FOXO1: variants seen among roughly 807,000 people sequenced by gnomAD.
FOXO1 encodes forkhead box O1, also known as forkhead box protein O1.
Under a neutral mutation model 44.1 loss-of-function variants are expected in FOXO1, and 6 were observed. The observed-to-expected ratio is 0.14, with a 90% CI of 0.07 to 0.27. The LOEUF is 0.27. Among genes scored for constraint, FOXO1 ranks in the 10% least tolerant of loss-of-function variants. The pLI is 1.00. For missense variants in FOXO1, 737 were observed against 888.8 expected (o/e 0.83, Z 2.17); for synonymous variants, 380 against 362.7 (o/e 1.05, Z -0.54).
chr13:40,658,454 C>T (rs1877930154), intron 1 of FOXO1, among the ~76,000 whole-genome samples: 1 of 152,176 alleles, frequency 6.6e-6, no homozygotes, highest in Non-Finnish European at 1.5e-5. Context: ...GGGGGAAATA[C>T]AGTATGTTCA....
chr13:40,615,606 G>A (rs183980020), intron 1 of FOXO1, among the ~76,000 whole-genome samples: 93 of 152,116 alleles, frequency 6.1e-4, no homozygotes, highest in Admixed American at 1.9e-3. Context: ...GGCATATACC[G>A]GGCATGTGAG....
chr13:40,579,861 A>T (rs1874893744), intron 1 of FOXO1, among the ~76,000 whole-genome samples: 3 of 152,206 alleles, frequency 2.0e-5, no homozygotes, highest in Admixed American at 2.0e-4. Context: ...GGGATTGGAA[A>T]GTTTATTTAC....
At chr13:40,596,237 A>G (rs752377723) in intron 1 of FOXO1, among the ~76,000 whole-genome samples, 3 of 152,262 alleles carry the variant, frequency 2.0e-5, no homozygotes, top group Middle Eastern at 3.4e-3. Context: ...GAATGGGATG[A>G]TTTTCAGGAG....
intron 1 of FOXO1, among the ~76,000 whole-genome samples, chr13:40,616,196 A>G (rs1311949998): frequency 6.6e-6 from 1 of 152,250 alleles, no homozygotes; most frequent in Non-Finnish European, 1.5e-5. Context: ...GTTACTTGGA[A>G]TATTTACTCA....
intron 1 of FOXO1, among the ~76,000 whole-genome samples, chr13:40,656,645 T>G (rs1464025117): frequency 6.6e-6 from 1 of 152,212 alleles, no homozygotes; most frequent in African/African-American, 2.4e-5. Flanking sequence ...TTTACACAAG[T>G]GTGTTCCTAA....
intron 1 of FOXO1, among the ~76,000 whole-genome samples, chr13:40,597,825 G>A (rs112500892): frequency 7.6e-4 from 116 of 152,268 alleles, no homozygotes; most frequent in African/African-American, 2.7e-3. Context: ...GGGATTAGAG[G>A]TGTGCTTCAA....
At position 40,556,484 on chromosome 13, in the gene FOXO1, G is replaced by A. The variant is rs1332727320; in HGVS notation, c.*2565C>T. 5.2e-5 allele frequency: 8 copies of A among 152,692 alleles called. No individual in the cohort carries two copies. The highest frequency in any genetic ancestry group is 1.9e-4 in the East Asian group (1 of 5,190). The allele number at this position is 152,692 out of a possible 1,614,324, so 9.5% of individuals were successfully genotyped here. On this transcript the variant is annotated 3_prime_UTR_variant, in exon 3 of 3. Transcript: ENST00000379561. ...AAAATAAATCAAACAAGGCTGCATAGGTGATATCATTTGCACATTTCACAA... is the reference window on the plus strand; with the variant it reads ...AAAATAAATCAAACAAGGCTGCATAAGTGATATCATTTGCACATTTCACAA...
At chr13:40,598,589 T>C (rs1346306795) in intron 1 of FOXO1, among the ~76,000 whole-genome samples, 2 of 152,220 alleles carry the variant, frequency 1.3e-5, no homozygotes, top group East Asian at 1.9e-4. Flanking sequence ...TACATATATG[T>C]GGTTCACAAG....
At position 40,613,349 on chromosome 13, in the gene FOXO1, G is replaced by C. The variant is rs369057069; in HGVS notation, c.630+52234C>G. 6.6e-5 allele frequency among the ~76,000 whole-genome samples: 10 copies of C among 152,128 alleles called. No homozygotes were observed. In the East Asian group the frequency reaches 1.2e-3, roughly 18 times the overall value. ...ACATAGTTACATGTGGTTTGCAAGA[G>C]GGCTCCTCCCTTTACAATCTGCTTC... On this transcript the variant is annotated intron_variant, in intron 1 of 2. Transcript: ENST00000379561.
intron 1 of FOXO1, among the ~76,000 whole-genome samples, chr13:40,566,889 A>C (rs1305273853): frequency 6.6e-6 from 1 of 152,210 alleles, no homozygotes; most frequent in Admixed American, 6.5e-5. Context: ...TCAAGTGAAC[A>C]GAACTAGCTC....
At chr13:40,632,053 C>G (rs946593095) in intron 1 of FOXO1, among the ~76,000 whole-genome samples, 1 of 152,054 alleles carries the variant, frequency 6.6e-6, no homozygotes, top group East Asian at 1.9e-4. Flanking sequence ...AGGTGGATCA[C>G]GAGGTCAGGA....
intron 1 of FOXO1, among the ~76,000 whole-genome samples, chr13:40,608,412 T>G (rs1241379502): frequency 6.6e-6 from 1 of 152,170 alleles, no homozygotes; most frequent in African/African-American, 2.4e-5. Context: ...GGCCTCAAAG[T>G]GAGACACATG....
chr13:40,600,877 C>G (rs1875792950), intron 1 of FOXO1, among the ~76,000 whole-genome samples: 1 of 152,172 alleles, frequency 6.6e-6, no homozygotes, highest in Non-Finnish European at 1.5e-5. Context: ...ACTTCCTAAT[C>G]ATCATAAATC....
chr13:40,648,159 T>C (rs903184674), intron 1 of FOXO1, among the ~76,000 whole-genome samples: 6 of 152,184 alleles, frequency 3.9e-5, no homozygotes, highest in African/African-American at 9.7e-5. Context: ...GAAAGCCATA[T>C]TGTGTTCCCC....
intron 1 of FOXO1, among the ~76,000 whole-genome samples, chr13:40,588,977 T>C (rs547498781): frequency 2.0e-5 from 3 of 152,222 alleles, no homozygotes; most frequent in East Asian, 3.9e-4. Context: ...TAGTGGTGCA[T>C]GCCTGTAATC....
rs566021965 is a variant in FOXO1, at chr13:40,588,906, A to C, written c.631-28046T>G. Among the ~76,000 whole-genome samples the C allele has an allele frequency of 5.9e-5, 9 of 152,238 alleles. No individual in the cohort carries two copies. The East Asian group carries it at 1.7e-3, about 29-fold the overall frequency. Reference sequence around the variant, plus strand: ...GATTGCTGGAAGTCAGGAGTTCAAGACCAGCCTGGCCAACATGGTAAAACC... The same window carrying C: ...GATTGCTGGAAGTCAGGAGTTCAAGCCCAGCCTGGCCAACATGGTAAAACC... On this transcript the variant is annotated intron_variant, in intron 1 of 2. Coordinates refer to ENST00000379561, the MANE Select transcript of FOXO1 (RefSeq NM_002015.4).
intron 1 of FOXO1, among the ~76,000 whole-genome samples, chr13:40,575,359 G>A (rs748173373): frequency 3.3e-5 from 5 of 152,068 alleles, no homozygotes; most frequent in African/African-American, 7.2e-5. Flanking sequence ...AGAGAATCAG[G>A]ACTGGAACTG....
At chr13:40,590,869 A>G (rs187408905) in intron 1 of FOXO1, among the ~76,000 whole-genome samples, 4 of 152,252 alleles carry the variant, frequency 2.6e-5, no homozygotes, top group African/African-American at 7.2e-5. Context: ...TCACATCACA[A>G]TGTTTCACTT....
At chr13:40,568,152 A>ACCCT (rs1374506915) in intron 1 of FOXO1, among the ~76,000 whole-genome samples, 1 of 152,100 alleles carries the variant, frequency 6.6e-6, no homozygotes, top group East Asian at 1.9e-4. Flanking sequence ...ACTGCCCACC[A>ACCCT]CCCTGCGTGA....
Sources: allele counts gnomAD v4.1 joint callset (sites outside exome capture counted in the v4.1 genomes callset), GRCh38; gene constraint gnomAD v4.1.1; transcripts MANE v1.5; gene names NCBI Gene and HGNC (gene_info 2026-07-23, HGNC 2026-07-21).